The following DNAJC6 variants were observed in gnomAD, a reference collection of about 807,000 sequenced individuals.
DNAJC6 encodes DnaJ heat shock protein family (Hsp40) member C6.
A neutral mutation model predicts 110.0 loss-of-function variants in DNAJC6; 34 were observed. The observed-to-expected ratio is 0.31, with a 90% confidence interval of 0.24 to 0.41. The LOEUF is 0.41. Ranked by LOEUF, DNAJC6 falls within the 10% of genes least tolerant of loss-of-function variation. The probability of loss-of-function intolerance (pLI) is 1.00; values close to 1 mark genes in which losing one functional copy is unlikely to be tolerated. For synonymous variants in DNAJC6, 406 were observed against 437.2 expected (o/e 0.93, Z 0.89); for missense variants, 1,031 against 1,207.8 (o/e 0.85, Z 2.17).
At position 65,309,555 on chromosome 1, in the gene DNAJC6, G is replaced by A; in HGVS notation, c.-191G>A. The A allele has an allele frequency of 8.1e-7, 1 of 1,230,024 alleles. No individual in the cohort carries two copies. The highest frequency in any genetic ancestry group is 4.4e-5 in the Admixed American group (1 of 22,742). The allele number at this position is 1,230,024 out of a possible 1,614,324, so 76.2% of individuals were successfully genotyped here. ...CTCCCGGCGCCCCGAGCCGAGCTCA[G>A]CCCAGGGCGGCGGCTTCGCCTCGCC... On this transcript the variant is annotated 5_prime_UTR_variant, in exon 1 of 19. Coordinates refer to ENST00000371069, the MANE Select transcript of DNAJC6 (RefSeq NM_001256864.2).
At chr1:65,347,353 C>T (rs775251563) in intron 1 of DNAJC6, among the ~76,000 whole-genome samples, 9 of 150,988 alleles carry the variant, frequency 6.0e-5, no homozygotes, top group Non-Finnish European at 1.2e-4. Context: ...AATCATACTG[C>T]TTTGCAGTCT....
intron 1 of DNAJC6, among the ~76,000 whole-genome samples, chr1:65,287,169 G>A (rs369710708): frequency 1.3e-5 from 2 of 152,210 alleles, no homozygotes; most frequent in East Asian, 3.8e-4. Flanking sequence ...ATATGTACTA[G>A]TCTGTCAGAT....
intron 4 of DNAJC6, among the ~76,000 whole-genome samples, chr1:65,368,753 C>CT (rs1228414670): frequency 0.13 from 22 of 172 alleles, no homozygotes; most frequent in African/African-American, 0.26. Context: ...CCCCTCCCCT[C>CT]CCTTCTCTTC....
chr1:65,343,162 C>T (rs1302048555), intron 1 of DNAJC6, among the ~76,000 whole-genome samples: 1 of 152,142 alleles, frequency 6.6e-6, no homozygotes, highest in African/African-American at 2.4e-5. Context: ...TAGTATGTAC[C>T]ATTGCCACTG....
intron 1 of DNAJC6, among the ~76,000 whole-genome samples, chr1:65,302,115 T>TA (rs1172513029): frequency 0.025 from 1,150 of 46,106 alleles, 27 homozygotes; most frequent in African/African-American, 0.21. Flanking sequence ...ATAATATATA[T>TA]ATATATATAA....
chr1:65,264,818 G>A, exon 1 of DNAJC6: 18 of 1,570,142 alleles, frequency 1.1e-5, no homozygotes, highest in South Asian at 7.0e-5. Flanking sequence ...CTTCGCCCCC[G>A]AGACCGCTGA....
intron 1 of DNAJC6, among the ~76,000 whole-genome samples, chr1:65,290,157 T>C (rs1644853665): frequency 6.6e-6 from 1 of 152,198 alleles, no homozygotes. Flanking sequence ...ACAGTTCTGG[T>C]GGCTGGAAAA....
chr1:65,270,230 A>G (rs1653461153), intron 1 of DNAJC6, among the ~76,000 whole-genome samples: 1 of 152,174 alleles, frequency 6.6e-6, no homozygotes, highest in African/African-American at 2.4e-5. Flanking sequence ...ATTGAAATAC[A>G]TGTTGCTTTA....
At chr1:65,349,976 C>T (rs1413885) in intron 1 of DNAJC6, among the ~76,000 whole-genome samples, 110,105 of 152,052 alleles carry the variant, frequency 0.72, 41,277 homozygotes, top group African/African-American at 0.93. Context: ...GGGATGCTGC[C>T]AAAAGTTCTA....
At chr1:65,408,613 G>A (rs1646098994) in intron 16 of DNAJC6, 28 bp from the exon 17 acceptor site, 1 of 1,598,384 alleles carries the variant, frequency 6.3e-7, no homozygotes, top group Admixed American at 1.8e-5. Flanking sequence ...AATGAAAACT[G>A]TAATGATTTT....
intron 12 of DNAJC6, among the ~76,000 whole-genome samples, chr1:65,394,517 G>A (rs958322155): frequency 3.0e-4 from 45 of 152,230 alleles, no homozygotes; most frequent in African/African-American, 9.4e-4. Context: ...TGTGGTGTTG[G>A]GCAGTTTTAG....
At chr1:65,318,538 T>G (rs1158718446) in intron 1 of DNAJC6, among the ~76,000 whole-genome samples, 1 of 152,166 alleles carries the variant, frequency 6.6e-6, no homozygotes, top group East Asian at 1.9e-4. Context: ...AGGAATGAGA[T>G]CATGACCTTT....
intron 1 of DNAJC6, among the ~76,000 whole-genome samples, chr1:65,300,156 C>G (rs186693889): frequency 2.9e-4 from 44 of 151,962 alleles, no homozygotes; most frequent in African/African-American, 1.1e-3. Flanking sequence ...ATAACAGTGG[C>G]AAAATAATAA....
chr1:65,309,453 A>T, upstream of DNAJC6: 4 of 864,634 alleles, frequency 4.6e-6, no homozygotes, highest in Non-Finnish European at 5.8e-6. Flanking sequence ...GGAGCTCGGC[A>T]GGGCCGGGCG....
intron 11 of DNAJC6, among the ~76,000 whole-genome samples, chr1:65,392,159 G>T (rs1181824932): frequency 6.6e-6 from 1 of 152,318 alleles, no homozygotes; most frequent in Non-Finnish European, 1.5e-5. Context: ...GTGTCATAGA[G>T]CCAGTGAGTA....
intron 4 of DNAJC6, among the ~76,000 whole-genome samples, chr1:65,369,217 T>C (rs1645682313): frequency 6.6e-6 from 1 of 152,196 alleles, no homozygotes; most frequent in Non-Finnish European, 1.5e-5. Context: ...TGCAAGTGGA[T>C]CCTCTGACCT....
intron 1 of DNAJC6, among the ~76,000 whole-genome samples, chr1:65,346,909 G>A (rs1311349119): frequency 6.6e-6 from 1 of 151,618 alleles, no homozygotes. Flanking sequence ...CACCACCCCC[G>A]CTCCACCACC....
intron 1 of DNAJC6, among the ~76,000 whole-genome samples, chr1:65,331,958 C>T (rs774684320): frequency 1.3e-5 from 2 of 152,136 alleles, no homozygotes; most frequent in Non-Finnish European, 2.9e-5. Flanking sequence ...TCTTCATTCT[C>T]CTGCTGCCAC....
chr1:65,295,272 C>T (rs922035570), intron 1 of DNAJC6, among the ~76,000 whole-genome samples: 11 of 152,126 alleles, frequency 7.2e-5, no homozygotes, highest in African/African-American at 2.4e-4. Flanking sequence ...TACCTATCTT[C>T]CTCTCTCAAA....
Sources: gnomAD v4.1 joint callset for allele counts (sites outside exome capture counted in the v4.1 genomes callset) on GRCh38, gnomAD v4.1.1 for gene constraint, MANE v1.5 for transcripts, NCBI Gene and HGNC (gene_info 2026-07-23, HGNC 2026-07-21) for gene names.